The following PI4KB variants were observed in gnomAD, a reference collection of about 807,000 sequenced individuals.
PI4KB encodes PtdIns 4-kinase beta.
Under a neutral mutation model 81.4 loss-of-function variants are expected in PI4KB, and 23 were observed. The observed-to-expected ratio is 0.28, with a 90% CI of 0.20 to 0.40. The LOEUF is 0.40. PI4KB is among the 10% of genes least tolerant of loss of function. The pLI is 1.00. For missense variants in PI4KB, 651 were observed against 1,036.6 expected, an observed-to-expected ratio of 0.63 and a Z score of 5.11; for synonymous variants, 381 against 406.8, an observed-to-expected ratio of 0.94 and a Z score of 0.76.
intron 11 of PI4KB, chr1:151,293,725 AG>A: frequency 2.7e-6 from 1 of 372,936 alleles, no homozygotes; most frequent in Non-Finnish European, 4.9e-6. Context: ...AGAGCTGGAC[AG>A]GGGTGGGGAG....
At chr1:151,294,615 C>A (rs587643464) in intron 9 of PI4KB, 74 bp from the exon 10 acceptor site, 10 of 1,437,862 alleles carry the variant, frequency 7.0e-6, no homozygotes, top group South Asian at 7.0e-5. Flanking sequence ...AGCAGCAATA[C>A]ACTGGCCACA....
intron 7 of PI4KB, 74 bp downstream of exon 7, chr1:151,302,120 T>TA: frequency 6.5e-7 from 1 of 1,538,170 alleles, no homozygotes. Flanking sequence ...TGATGGACAA[T>TA]AAAGTTGGTG....
At chr1:151,310,026 C>T (rs1368469464) in intron 3 of PI4KB, among the ~76,000 whole-genome samples, 185 bp downstream of exon 3, 6 of 152,172 alleles carry the variant, frequency 3.9e-5, no homozygotes, top group Non-Finnish European at 4.4e-5. Context: ...CTCAGGATTT[C>T]CACCGCAAAG....
intron 2 of PI4KB, 85 bp downstream of exon 2, chr1:151,315,488 C>G (rs1462567239): frequency 1.3e-5 from 11 of 879,652 alleles, no homozygotes; most frequent in Non-Finnish European, 1.9e-5. Flanking sequence ...GAAAGAACAG[C>G]GTAACCCTGT....
rs1694319487 is a variant in PI4KB at position 151,292,098 on chromosome 1, G to GCACT, written c.*750_*753dup. ...CATACCTCATCACCCATCTCCCCCT[G>GCACT]CACTCCCCCAGAAAACCTGGAAATG... On this transcript the variant is annotated 3_prime_UTR_variant, in exon 12 of 12. Coordinates refer to ENST00000368873, the MANE Select transcript of PI4KB (RefSeq NM_001369623.2). 6.6e-6 allele frequency: 1 copy of GCACT among 152,236 alleles called. No individual in the cohort carries two copies. The highest frequency in any genetic ancestry group is 1.5e-5 in the Non-Finnish European group (1 of 68,102). 9.4% of individuals were successfully genotyped at this position (152,236 alleles called of 1,614,324 possible).
At chr1:151,318,858 A>C (rs1279643949) in intron 1 of PI4KB, among the ~76,000 whole-genome samples, 1 of 152,204 alleles carries the variant, frequency 6.6e-6, no homozygotes, top group Non-Finnish European at 1.5e-5. Flanking sequence ...ACTTAGAAGA[A>C]GGCAGCTCTA....
At chr1:151,307,922 A>C in intron 3 of PI4KB, 121 bp from the exon 4 acceptor site, 1 of 715,054 alleles carries the variant, frequency 1.4e-6, no homozygotes, top group South Asian at 1.7e-5. Context: ...ACTCCAGGAA[A>C]GCAGCTGCTT....
chr1:151,298,243 C>T (rs1435370558), intron 9 of PI4KB, among the ~76,000 whole-genome samples: 1 of 152,214 alleles, frequency 6.6e-6, no homozygotes, highest in Non-Finnish European at 1.5e-5. Context: ...AGTCACTAAC[C>T]ACTACCCTTA....
intron 1 of PI4KB, chr1:151,326,321 G>A (rs929398136): frequency 1.4e-6 from 1 of 705,120 alleles, no homozygotes; most frequent in Non-Finnish European, 2.4e-6. Context: ...AGGCAGCTGA[G>A]GCTCCCCCTG....
At chr1:151,324,139 T>C (rs935688307) in intron 1 of PI4KB, among the ~76,000 whole-genome samples, 4 of 152,020 alleles carry the variant, frequency 2.6e-5, no homozygotes, top group African/African-American at 9.7e-5. Flanking sequence ...TTAGTAGAGA[T>C]GGGGTTTCAC....
intron 3 of PI4KB, among the ~76,000 whole-genome samples, chr1:151,308,358 C>T (rs2101965361): frequency 6.6e-6 from 1 of 152,308 alleles, no homozygotes; most frequent in South Asian, 2.1e-4. Context: ...TGGTATCCCC[C>T]TGTCCGTCCC....
chr1:151,325,181 T>C (rs1571235809), intron 1 of PI4KB, among the ~76,000 whole-genome samples: 1 of 151,940 alleles, frequency 6.6e-6, no homozygotes, highest in Admixed American at 6.6e-5. Context: ...TTAGTAGAGA[T>C]GGGGTTTCAC....
chr1:151,315,296 G>A (rs1473948754), intron 2 of PI4KB, among the ~76,000 whole-genome samples: 4 of 152,100 alleles, frequency 2.6e-5, no homozygotes, highest in Non-Finnish European at 5.9e-5. Context: ...TAATAAAAAT[G>A]ATTTGGGACA....
chr1:151,318,434 C>T (rs1182863763), intron 1 of PI4KB, among the ~76,000 whole-genome samples: 2 of 128,228 alleles, frequency 1.6e-5, no homozygotes, highest in Non-Finnish European at 3.3e-5. Context: ...AAAAAAAGGC[C>T]GGGCGCGGTG....
At chr1:151,319,285 C>T (rs954141266) in intron 1 of PI4KB, among the ~76,000 whole-genome samples, 25 of 150,436 alleles carry the variant, frequency 1.7e-4, no homozygotes, top group African/African-American at 6.1e-4. Flanking sequence ...ACCAGCGAGA[C>T]TCTGTCTCAA....
chr1:151,310,101 G>T, intron 3 of PI4KB, 110 bp downstream of exon 3: 1 of 740,736 alleles, frequency 1.4e-6, no homozygotes, highest in Non-Finnish European at 2.4e-6. Flanking sequence ...AGTAAGAAAA[G>T]GGGCATTTTA....
At chr1:151,294,598 A>C in intron 9 of PI4KB, 57 bp from the exon 10 acceptor site, 1 of 1,575,474 alleles carries the variant, frequency 6.3e-7, no homozygotes, top group African/African-American at 1.3e-5. Context: ...CTGAGGCTGG[A>C]ACCTTAAGCA....
intron 2 of PI4KB, 86 bp downstream of exon 2, chr1:151,315,487 G>C (rs1321581996): frequency 2.3e-6 from 2 of 875,844 alleles, no homozygotes; most frequent in African/African-American, 3.3e-5. Flanking sequence ...AGAAAGAACA[G>C]CGTAACCCTG....
At chr1:151,323,897 A>G (rs1022738561) in intron 1 of PI4KB, among the ~76,000 whole-genome samples, 1 of 152,186 alleles carries the variant, frequency 6.6e-6, no homozygotes, top group African/African-American at 2.4e-5. Context: ...GTTTTTCTTC[A>G]TAAACTCTTT....
Sources: allele counts gnomAD v4.1 joint callset (sites outside exome capture counted in the v4.1 genomes callset), GRCh38; gene constraint gnomAD v4.1.1; transcripts MANE v1.5; gene names NCBI Gene and HGNC (gene_info 2026-07-23, HGNC 2026-07-21).